NSD2: variants seen among roughly 807,000 people sequenced by gnomAD.
NSD2 encodes histone-lysine N-methyltransferase NSD2.
NSD2 carries 12 observed loss-of-function variants against 139.0 expected under a neutral mutation model. That is an observed-to-expected ratio of 0.09 (90% CI 0.06 to 0.14). NSD2 has a LOEUF of 0.14. Ranked by LOEUF, NSD2 falls within the 10% of genes least tolerant of loss-of-function variation. The pLI is 1.00. For missense variants in NSD2, 1,155 were observed against 1,745.0 expected (o/e 0.66, Z 6.02); for synonymous variants, 669 against 648.7 (o/e 1.03, Z -0.48).
intron 2 of NSD2, 45 bp downstream of exon 2, chr4:1,901,296 T>C (rs1258914820): frequency 6.7e-7 from 1 of 1,495,132 alleles, no homozygotes; most frequent in East Asian, 2.3e-5. Context: ...CCTTGAGCAG[T>C]GAGCATGGCC....
intron 3 of NSD2, among the ~76,000 whole-genome samples, chr4:1,906,747 G>A (rs1469977020): frequency 5.0e-5 from 7 of 139,020 alleles, no homozygotes; most frequent in Admixed American, 3.3e-4. Context: ...TGCAACCTCT[G>A]CTTCCTGGGT....
chr4:1,928,606 G>A (rs1721238652), intron 5 of NSD2, among the ~76,000 whole-genome samples: 1 of 150,446 alleles, frequency 6.6e-6, no homozygotes, highest in African/African-American at 2.5e-5. Flanking sequence ...TGTCTTGTGA[G>A]GCGTGGTGGC....
At position 1,942,684 on chromosome 4, in the gene NSD2, T is replaced by C; in HGVS notation, c.1881+2906T>C. The C allele has an allele frequency of 8.8e-7, 1 of 1,138,790 alleles. No individual in the cohort carries two copies. Among genetic ancestry groups the C allele is most frequent in the Non-Finnish European group, 1.1e-6 (1 of 924,044 alleles). The allele number at this position is 1,138,790 out of a possible 1,614,324, so 70.5% of individuals were successfully genotyped here. On this transcript the variant is annotated intron_variant, in intron 9 of 21. Transcript: ENST00000508803. This position sits in a 1 kb window ranked among gnomAD's most constrained non-coding sequence, Gnocchi z 4.0. ...AAAGGCAGTCCCTTTAGTTGGGGGC[T>C]GTCCAGAGCTGCAGCAGGGCTTTGC...
rs1162031364 is a variant in NSD2 at position 1,981,968 on chromosome 4, T to A, written c.*3059T>A. 2.5e-6 allele frequency: 1 copy of A among 398,460 alleles called. No individual in the cohort carries two copies. Among genetic ancestry groups the A allele is most frequent in the Non-Finnish European group, 4.4e-6 (1 of 226,066 alleles). The allele number at this position is 398,460 out of a possible 1,614,324, so 24.7% of individuals were successfully genotyped here. ...ACAAACTTAAATGTGCCTATTGGTG[T>A]CTAAACTTCATACAATGTAAGGTCA... On this transcript the variant is annotated 3_prime_UTR_variant, in exon 22 of 22. Transcript: ENST00000508803.
chr4:1,946,472 T>G, intron 9 of NSD2: 1 of 680,788 alleles, frequency 1.5e-6, no homozygotes, highest in Non-Finnish European at 1.8e-6. Flanking sequence ...GGTTTCGCCA[T>G]ATTGGCCAGG....
intron 1 of NSD2, among the ~76,000 whole-genome samples, chr4:1,898,669 A>G (rs571245728): frequency 6.8e-6 from 1 of 146,802 alleles, no homozygotes; most frequent in Non-Finnish European, 1.5e-5. Context: ...AAAAAAAAAA[A>G]AACAAAAAAC....
At chr4:1,950,515 G>C (rs1724097456) in intron 9 of NSD2, among the ~76,000 whole-genome samples, 1 of 152,224 alleles carries the variant, frequency 6.6e-6, no homozygotes, top group Non-Finnish European at 1.5e-5. Context: ...TGTGGTGTGA[G>C]TCCGGAAGAC....
At chr4:1,900,380 TTGAC>T (rs1716990148) in intron 1 of NSD2, among the ~76,000 whole-genome samples, 1 of 152,218 alleles carries the variant, frequency 6.6e-6, no homozygotes, top group African/African-American at 2.4e-5. Flanking sequence ...GTGTGCTGTC[TTGAC>T]TGACTTTCAT....
intron 18 of NSD2, among the ~76,000 whole-genome samples, chr4:1,964,048 C>A (rs1035786234): frequency 6.6e-6 from 1 of 152,054 alleles, no homozygotes; most frequent in Admixed American, 6.6e-5. Flanking sequence ...GTTTACAAAG[C>A]GCAATAGAAG....
intron 1 of NSD2, among the ~76,000 whole-genome samples, chr4:1,876,848 G>T (rs540026232): frequency 6.6e-6 from 1 of 152,174 alleles, no homozygotes; most frequent in South Asian, 2.1e-4. Context: ...TTGTTATGCC[G>T]TTTGCTGGTG....
intron 1 of NSD2, among the ~76,000 whole-genome samples, chr4:1,874,228 C>T (rs558558556): frequency 6.6e-6 from 1 of 152,270 alleles, no homozygotes; most frequent in Non-Finnish European, 1.5e-5. Context: ...GCATTTTAGT[C>T]TTCTGAGCCT....
rs934449682 is a variant in NSD2 at position 1,947,823 on chromosome 4, C to T, written c.1882-3249C>T. ...TGTATTTCAAAAACGATGTCGTATT[C>T]AAGTTGTGAAGGGATTTGTTTTGTC... is the stretch of plus-strand genomic sequence containing the variant. On this transcript the variant is annotated intron_variant, in intron 9 of 21. Coordinates refer to ENST00000508803, the MANE Select transcript of NSD2 (RefSeq NM_001042424.3). 4 of 1,049,122 alleles carry T rather than the reference C, an allele frequency of 3.8e-6. No homozygotes were observed. In the African/African-American group the frequency reaches 5.0e-5, roughly 13 times the overall value. 65.0% of individuals were successfully genotyped at this position (1,049,122 alleles called of 1,614,324 possible).
At chr4:1,903,901 A>G (rs914912013) in intron 2 of NSD2, among the ~76,000 whole-genome samples, 2 of 151,872 alleles carry the variant, frequency 1.3e-5, no homozygotes, top group African/African-American at 4.8e-5. Context: ...CGCCCGGCTA[A>G]TTTTTTGTAT....
At chr4:1,885,110 C>CA (rs962763111) in intron 1 of NSD2, among the ~76,000 whole-genome samples, 117 of 134,298 alleles carry the variant, frequency 8.7e-4, no homozygotes, top group South Asian at 1.4e-3. Context: ...AACTCTGTTT[C>CA]AAAAAAAAAA....
Position 1,901,721 on chromosome 4 carries a change from C to T in NSD2, c.597+470C>T, listed in dbSNP as rs144736196. 3.7e-3 allele frequency among the ~76,000 whole-genome samples: 569 copies of T among 152,274 alleles called. 4 individuals carry two copies. The highest frequency in any genetic ancestry group is 0.013 in the African/African-American group (548 of 41,558). On this transcript the variant is annotated intron_variant, in intron 2 of 21. Coordinates refer to ENST00000508803, the MANE Select transcript of NSD2 (RefSeq NM_001042424.3). ...GGAAGCAGAGCTGTGCAGAGGTGCT[C>T]CCGCTGTCCTTACCCTGTGGTCCAG...
At chr4:1,899,429 A>G (rs1376080885) in intron 1 of NSD2, 1 of 152,142 alleles carries the variant, frequency 6.6e-6, no homozygotes, top group Non-Finnish European at 1.5e-5. Context: ...GGTAATAAAA[A>G]ATGCTTCCAG....
chr4:1,886,726 TAC>T (rs1457024516), intron 1 of NSD2, among the ~76,000 whole-genome samples: 1 of 151,916 alleles, frequency 6.6e-6, no homozygotes, highest in East Asian at 1.9e-4. Context: ...TAGTCCCAGC[TAC>T]TCAGGAGGCT....
At position 1,900,931 on chromosome 4, in the gene NSD2, G is replaced by A. The variant is rs761663126; in HGVS notation, c.277G>A (p.Ala93Thr). The A allele has an allele frequency of 5.7e-5, 92 of 1,614,024 alleles. No individual in the cohort carries two copies. The highest frequency in any genetic ancestry group is 7.1e-5 in the Non-Finnish European group (84 of 1,180,026). ...CCGGGTGTTTAATGGAGAACCCGGCGCACACGATGCCAAACTGCGTTTTGA... is the reference window on the plus strand; with the variant it reads ...CCGGGTGTTTAATGGAGAACCCGGCACACACGATGCCAAACTGCGTTTTGA... Reference protein sequence around the residue: ...TSRVFNGEPGAHDAKLRFESQ... With the variant: ...TSRVFNGEPGTHDAKLRFESQ... The change falls in exon 2 of 22, where the codon GCA (alanine) becomes ACA (threonine). Residue 93 changes from alanine to threonine, a missense_variant. Physicochemically the swap from Ala to Thr is moderately conservative, Grantham distance 58. Coordinates refer to ENST00000508803, the MANE Select transcript of NSD2 (RefSeq NM_001042424.3).
Position 1,976,770 on chromosome 4 carries a change from T to A in NSD2, c.3826+91T>A. 7.3e-7 allele frequency: 1 copy of A among 1,374,650 alleles called. No individual in the cohort carries two copies. Among genetic ancestry groups the A allele is most frequent in the Non-Finnish European group, 9.8e-7 (1 of 1,021,992 alleles). 85.2% of individuals were successfully genotyped at this position (1,374,650 alleles called of 1,614,324 possible). On this transcript the variant is annotated intron_variant, in intron 21 of 21. Transcript: ENST00000508803. This position sits in a 1 kb window ranked among gnomAD's most constrained non-coding sequence, Gnocchi z 5.3. ...TGCCGCTCTTCCTGCTGACCGGGCC[T>A]CATCTGGGTGCAGGCACATCAGGCG...
Sources: gnomAD v4.1 joint callset for allele counts (sites outside exome capture counted in the v4.1 genomes callset) on GRCh38, gnomAD v4.1.1 for gene constraint, Gnocchi (gnomAD v3.1) non-coding constraint, MANE v1.5 for transcripts, NCBI Gene and HGNC (gene_info 2026-07-23, HGNC 2026-07-21) for gene names.